Variants in IPO11 observed in about 807,000 individuals in gnomAD.
IPO11 encodes importin-11.
IPO11 carries 66 observed loss-of-function variants against 143.2 expected under a neutral mutation model. That is an observed-to-expected ratio of 0.46 (90% CI 0.38 to 0.57). The LOEUF (loss-of-function observed/expected upper bound fraction) is 0.57, where lower values mean the gene tolerates loss of function less well. Among genes scored for constraint, IPO11 ranks in the 20% least tolerant of loss-of-function variants. The pLI is 0.00. For missense variants in IPO11, 1,026 were observed against 1,141.0 expected (o/e 0.90, Z 1.45); for synonymous variants, 385 against 377.8 (o/e 1.02, Z -0.22).
intron 27 of IPO11, among the ~76,000 whole-genome samples, chr5:62,582,835 G>A (rs1382156312): frequency 6.6e-6 from 1 of 152,144 alleles, no homozygotes; most frequent in African/African-American, 2.4e-5. Context: ...ATTATAGTAA[G>A]TGCCTATGCT....
chr5:62,581,294 A>G (rs1433407420), intron 27 of IPO11: 2 of 1,514,954 alleles, frequency 1.3e-6, no homozygotes, highest in Non-Finnish European at 1.8e-6. Flanking sequence ...CTTTTTGAAC[A>G]TTCTGCTTTA....
chr5:62,456,280 G>A (rs955319334), intron 5 of IPO11, among the ~76,000 whole-genome samples: 2 of 152,124 alleles, frequency 1.3e-5, no homozygotes, highest in African/African-American at 2.4e-5. Context: ...TGGGATCACA[G>A]GCGTGAGCCA....
chr5:62,494,219 GT>G, intron 16 of IPO11, 95 bp downstream of exon 16: 1 of 1,111,416 alleles, frequency 9.0e-7, no homozygotes, highest in Non-Finnish European at 1.2e-6. Flanking sequence ...TCTTTATGAT[GT>G]TTATGGCCTT....
intron 16 of IPO11, among the ~76,000 whole-genome samples, chr5:62,503,768 A>G (rs560013647): frequency 6.6e-6 from 1 of 152,212 alleles, no homozygotes; most frequent in South Asian, 2.1e-4. Context: ...AGAGTATTTA[A>G]CATTTGGTGA....
chr5:62,574,974 A>C (rs766150104), intron 27 of IPO11, among the ~76,000 whole-genome samples: 1 of 152,210 alleles, frequency 6.6e-6, no homozygotes. Flanking sequence ...TATTCTCATA[A>C]ATAGATTTGC....
intron 24 of IPO11, among the ~76,000 whole-genome samples, chr5:62,538,545 C>T (rs991773528): frequency 3.3e-5 from 5 of 152,162 alleles, no homozygotes; most frequent in Non-Finnish European, 5.9e-5. Context: ...GCACTTCTTC[C>T]TGCTGCCCTG....
intron 3 of IPO11, among the ~76,000 whole-genome samples, chr5:62,445,703 A>C (rs1379041072): frequency 3.3e-5 from 5 of 152,142 alleles, no homozygotes; most frequent in Non-Finnish European, 7.4e-5. Flanking sequence ...CAGTAGGCAA[A>C]TGTAAGTGTT....
intron 16 of IPO11, among the ~76,000 whole-genome samples, chr5:62,495,171 A>G (rs1413675937): frequency 1.3e-5 from 2 of 152,194 alleles, no homozygotes; most frequent in Admixed American, 6.5e-5. Context: ...ACCATTCTGT[A>G]ATTATTAAAT....
intron 27 of IPO11, among the ~76,000 whole-genome samples, chr5:62,584,489 C>T (rs953597272): frequency 2.0e-5 from 3 of 151,472 alleles, no homozygotes; most frequent in East Asian, 1.9e-4. Flanking sequence ...GGCCTGTGCC[C>T]GTAGTCCTAG....
chr5:62,561,546 G>A lies in IPO11; in HGVS notation c.2582+289G>A, dbSNP rs531146448. 2.6e-5 allele frequency among the ~76,000 whole-genome samples: 4 copies of A among 152,072 alleles called. No homozygotes were observed. The East Asian group carries it at 5.8e-4, about 22-fold the overall frequency. The stretch of plus-strand genomic sequence containing the variant: ...CATTTTTTATAATTACGTTTTATTA[G>A]ACTAATCTTCAGTCCTCTGTTTACA... On this transcript the variant is annotated intron_variant, in intron 27 of 29. Coordinates refer to ENST00000325324, the MANE Select transcript of IPO11 (RefSeq NM_016338.5).
At chr5:62,496,770 A>G (rs1164624905) in intron 16 of IPO11, among the ~76,000 whole-genome samples, 5 of 152,226 alleles carry the variant, frequency 3.3e-5, no homozygotes, top group African/African-American at 1.2e-4. Context: ...GTGTATACAT[A>G]TGTGTCACAC....
chr5:62,535,058 G>C (rs781573707), intron 22 of IPO11, among the ~76,000 whole-genome samples: 1 of 93,480 alleles, frequency 1.1e-5, no homozygotes, highest in South Asian at 3.7e-4. Context: ...TTTATTTGAT[G>C]ATGATAACAT....
At chr5:62,548,913 TTAG>T (rs1220740174) in intron 24 of IPO11, among the ~76,000 whole-genome samples, 1 of 152,078 alleles carries the variant, frequency 6.6e-6, no homozygotes, top group East Asian at 1.9e-4. Context: ...TTCTGTAATT[TTAG>T]TAGGGTTTTA....
chr5:62,487,626 C>A lies in IPO11; in HGVS notation c.1219-145C>A, dbSNP rs1746456755. The A allele has an allele frequency of 6.5e-6, 5 of 773,412 alleles. No individual in the cohort carries two copies. In the South Asian group the frequency reaches 2.4e-4, roughly 38 times the overall value. 47.9% of individuals were successfully genotyped at this position (773,412 alleles called of 1,614,324 possible). ...TGTGTTGGTTATAAAAAAATGGTAA[C>A]CTTACTTTTTTTTTTTAACAAATCA... On this transcript the variant is annotated intron_variant, in intron 12 of 29. Transcript: ENST00000325324.
At chr5:62,440,117 A>G (rs761044360) in intron 2 of IPO11, among the ~76,000 whole-genome samples, 1 of 152,150 alleles carries the variant, frequency 6.6e-6, no homozygotes, top group Non-Finnish European at 1.5e-5. Context: ...TAGGCGTAAG[A>G]CAAGACTCAA....
At chr5:62,543,914 G>T (rs553578676) in intron 24 of IPO11, among the ~76,000 whole-genome samples, 51 of 152,182 alleles carry the variant, frequency 3.4e-4, no homozygotes, top group South Asian at 1.9e-3. Context: ...TCAAAGAACA[G>T]CTTTATTTCT....
intron 12 of IPO11, 75 bp downstream of exon 12, chr5:62,485,537 C>T: frequency 3.4e-6 from 4 of 1,166,562 alleles, no homozygotes; most frequent in Non-Finnish European, 5.1e-6. Flanking sequence ...GAATGACACT[C>T]TATTAAAGAT....
At chr5:62,486,246 C>T (rs1259013648) in intron 12 of IPO11, among the ~76,000 whole-genome samples, 2 of 152,112 alleles carry the variant, frequency 1.3e-5, no homozygotes, top group Non-Finnish European at 2.9e-5. Flanking sequence ...TCCCTAAGTG[C>T]TGGGATTACA....
chr5:62,413,714 A>C (rs1017417761), intron 1 of IPO11, among the ~76,000 whole-genome samples: 7 of 152,170 alleles, frequency 4.6e-5, no homozygotes, highest in Admixed American at 2.0e-4. Context: ...AGTGCCCTTC[A>C]GATTTCGGTT....
Sources: gnomAD v4.1 joint callset for allele counts (sites outside exome capture counted in the v4.1 genomes callset) on GRCh38, gnomAD v4.1.1 for gene constraint, MANE v1.5 for transcripts, NCBI Gene and HGNC (gene_info 2026-07-23, HGNC 2026-07-21) for gene names.